Variants in INTS4 observed in about 807,000 individuals in gnomAD.
INTS4 encodes MSTP093.
INTS4 carries 70 observed loss-of-function variants against 119.5 expected under a neutral mutation model. The observed-to-expected ratio is 0.59, with a 90% CI of 0.48 to 0.71. The LOEUF (loss-of-function observed/expected upper bound fraction) is 0.71. Among genes scored for constraint, INTS4 ranks in the 30% least tolerant of loss-of-function variants. INTS4 has a pLI of 0.00. For synonymous variants in INTS4, 316 were observed against 419.6 expected (o/e 0.75, Z 3.02); for missense variants, 867 against 1,173.2 (o/e 0.74, Z 3.81).
intron 7 of INTS4, 64 bp downstream of exon 7, chr11:77,958,682 G>C (rs1196579365): frequency 1.8e-5 from 17 of 924,242 alleles, no homozygotes; most frequent in Non-Finnish European, 2.1e-5. Flanking sequence ...TGGGCTTTTT[G>C]CATGGTGAGA....
Position 77,964,460 on chromosome 11 carries a change from G to C in INTS4, c.472-3322C>G, listed in dbSNP as rs558987216. Among the ~76,000 whole-genome samples the C allele has an allele frequency of 1.7e-3, 258 of 152,062 alleles. 4 individuals carry two copies. Among genetic ancestry groups the C allele is most frequent in the African/African-American group, 5.6e-3 (231 of 41,486 alleles). On this transcript the variant is annotated intron_variant, in intron 4 of 22. Transcript: ENST00000534064. ...ATGGTCGCGGGCACCTGTAGTCCCA[G>C]CTACTCGGGAGGCTGAGGCAGGAGA... is the stretch of plus-strand genomic sequence containing the variant.
At chr11:77,891,887 T>A (rs769224620) in intron 19 of INTS4, 47 bp from the exon 20 acceptor site, 17 of 1,609,292 alleles carry the variant, frequency 1.1e-5, no homozygotes, top group Admixed American at 1.7e-5. Flanking sequence ...TGTGCACTCA[T>A]TCACCACAGG....
chr11:77,883,854 A>G lies in INTS4; in HGVS notation c.2691T>C (p.Tyr897=), dbSNP rs1049326114. The change falls in exon 22 of 23, where the codon TAT becomes TAC. Residue 897 remains tyrosine, a synonymous_variant. Transcript: ENST00000534064. ...PGRHRLITQV[Y]LSHTAWTEAC... is the part of the protein sequence containing the mutation. ...TACCTGTCCAAGCGGTGTGGGAGAG[A>G]TAAACCTGAGTGATGAGCCGGTGCC... 6.2e-7 allele frequency: 1 copy of G among 1,612,888 alleles called. No individual in the cohort carries two copies. The highest frequency in any genetic ancestry group is 1.3e-5 in the African/African-American group (1 of 74,996).
At chr11:77,919,636 GATTT>G (rs1485767239) in intron 14 of INTS4, among the ~76,000 whole-genome samples, 1 of 151,970 alleles carries the variant, frequency 6.6e-6, no homozygotes, top group Non-Finnish European at 1.5e-5. Context: ...GAAGAATAAT[GATTT>G]ATTCCCAAAT....
intron 3 of INTS4, among the ~76,000 whole-genome samples, chr11:77,980,219 C>A (rs540362750): frequency 6.6e-6 from 1 of 152,002 alleles, no homozygotes; most frequent in South Asian, 2.1e-4. Flanking sequence ...AGAATGCCTT[C>A]CCCCACACCT....
intron 1 of INTS4, among the ~76,000 whole-genome samples, chr11:77,991,645 C>T (rs1344666515): frequency 2.6e-5 from 4 of 151,864 alleles, no homozygotes; most frequent in Admixed American, 1.3e-4. Context: ...ACCTCAGCCT[C>T]CCAAAGTGCT....
At chr11:77,927,811 C>T (rs1265065392) in intron 11 of INTS4, among the ~76,000 whole-genome samples, 1 of 152,198 alleles carries the variant, frequency 6.6e-6, no homozygotes, top group East Asian at 1.9e-4. Context: ...GTCCTCCACT[C>T]TTCCATCTCT....
At chr11:77,911,009 G>A in intron 15 of INTS4, 1 of 1,289,082 alleles carries the variant, frequency 7.8e-7, no homozygotes, top group Non-Finnish European at 1.0e-6. Flanking sequence ...CTGTTTCAGG[G>A]CCGGCATAAC....
intron 21 of INTS4, among the ~76,000 whole-genome samples, chr11:77,888,937 G>C (rs1304102135): frequency 6.6e-6 from 1 of 152,196 alleles, no homozygotes; most frequent in Non-Finnish European, 1.5e-5. Flanking sequence ...ACGTGCTGGA[G>C]AGGATGTGGA....
intron 10 of INTS4, among the ~76,000 whole-genome samples, chr11:77,931,904 T>G (rs1953659708): frequency 1.3e-5 from 2 of 152,294 alleles, no homozygotes; most frequent in East Asian, 3.9e-4. Flanking sequence ...AAACTGAAAC[T>G]GGATCCCTTC....
chr11:77,948,132 A>C (rs1339253547), intron 8 of INTS4, among the ~76,000 whole-genome samples: 1 of 152,174 alleles, frequency 6.6e-6, no homozygotes. Context: ...AATAGGCAAG[A>C]GCCACCACAC....
chr11:77,929,144 C>T (rs1337527498), intron 10 of INTS4, among the ~76,000 whole-genome samples: 2 of 152,104 alleles, frequency 1.3e-5, no homozygotes, highest in Non-Finnish European at 2.9e-5. Context: ...CTCAGGAGTT[C>T]AAGGCTGGCC....
chr11:77,937,127 G>A (rs1171198372), intron 10 of INTS4, among the ~76,000 whole-genome samples: 2 of 151,282 alleles, frequency 1.3e-5, no homozygotes, highest in Non-Finnish European at 2.9e-5. Context: ...GTGAGCCAAG[G>A]TCACACCACT....
At chr11:77,969,447 C>A (rs1855627315) in intron 4 of INTS4, among the ~76,000 whole-genome samples, 1 of 152,138 alleles carries the variant, frequency 6.6e-6, no homozygotes, top group Admixed American at 6.5e-5. Flanking sequence ...GTGATGTCAT[C>A]ATAGCTCATT....
At chr11:77,944,370 T>C (rs1223805438) in intron 8 of INTS4, among the ~76,000 whole-genome samples, 4 of 152,230 alleles carry the variant, frequency 2.6e-5, no homozygotes, top group Non-Finnish European at 4.4e-5. Context: ...TAGTATGATA[T>C]TGCAGCTTAG....
rs555541584 is a variant in INTS4, at chr11:77,926,199, A to G, written c.1372-1307T>C. Among the ~76,000 whole-genome samples, 200 of 151,862 alleles carry G rather than the reference A, an allele frequency of 1.3e-3. 4 individuals are homozygous for G. The South Asian group carries it at 0.031, about 23-fold the overall frequency. Reference sequence around the variant, plus strand: ...ATCTTGACATAGCAGGAAAAAAAAAAGGCAAATTCCAGCTGGAAGGGTCAG... The same window carrying G: ...ATCTTGACATAGCAGGAAAAAAAAAGGGCAAATTCCAGCTGGAAGGGTCAG... On this transcript the variant is annotated intron_variant, in intron 11 of 22. Transcript: ENST00000534064.
At chr11:77,948,317 C>A (rs1278068730) in intron 8 of INTS4, among the ~76,000 whole-genome samples, 1 of 152,120 alleles carries the variant, frequency 6.6e-6, no homozygotes, top group African/African-American at 2.4e-5. Flanking sequence ...TGGTAATTAA[C>A]AAAATGGCAG....
chr11:77,970,649 C>CA (rs888045623), intron 4 of INTS4, among the ~76,000 whole-genome samples: 3 of 151,070 alleles, frequency 2.0e-5, no homozygotes, highest in Admixed American at 2.0e-4. Flanking sequence ...GGTAACATGC[C>CA]AAAACCCCAT....
intron 2 of INTS4, among the ~76,000 whole-genome samples, chr11:77,986,059 CCCT>C (rs1856446054): frequency 6.6e-6 from 1 of 152,198 alleles, no homozygotes; most frequent in South Asian, 2.1e-4. Flanking sequence ...CATCTGGCAT[CCCT>C]CCTCATTTCC....
Sources: gnomAD v4.1 joint callset for allele counts (sites outside exome capture counted in the v4.1 genomes callset) on GRCh38, gnomAD v4.1.1 for gene constraint, MANE v1.5 for transcripts, NCBI Gene and HGNC (gene_info 2026-07-23, HGNC 2026-07-21) for gene names.